Variants in PLCG1 observed in about 807,000 individuals in gnomAD.
The protein encoded by PLCG1 is 1-phosphatidylinositol 4,5-bisphosphate phosphodiesterase gamma-1.
A neutral mutation model predicts 177.8 loss-of-function variants in PLCG1; 71 were observed. The observed-to-expected ratio is 0.40, with a 90% CI of 0.33 to 0.49. The LOEUF is 0.49. Among genes scored for constraint, PLCG1 ranks in the 20% least tolerant of loss-of-function variants. The pLI is 0.72. For synonymous variants in PLCG1, 658 were observed against 647.9 expected, an observed-to-expected ratio of 1.02 and a Z score of -0.24; for missense variants, 1,281 against 1,709.0, an observed-to-expected ratio of 0.75 and a Z score of 4.42.
At chr20:41,155,468 T>G (rs2035291207) in intron 1 of PLCG1, among the ~76,000 whole-genome samples, 1 of 152,132 alleles carries the variant, frequency 6.6e-6, no homozygotes. Flanking sequence ...TGCACGTGCC[T>G]CAGACTATTG....
At chr20:41,170,458 A>G in intron 24 of PLCG1, 189 bp downstream of exon 24, 1 of 613,776 alleles carries the variant, frequency 1.6e-6, no homozygotes, top group Non-Finnish European at 2.8e-6. Context: ...TGGTGTGTTT[A>G]GGTTGTGTTG....
chr20:41,168,988 T>C, intron 21 of PLCG1, 91 bp from the exon 22 acceptor site: 5 of 1,208,690 alleles, frequency 4.1e-6, no homozygotes, highest in Non-Finnish European at 4.9e-6. Context: ...TGCCTCACCC[T>C]GGCTTAGGCA....
Position 41,174,327 on chromosome 20 carries a change from G to C in PLCG1, c.3833+16G>C. 1 of 1,610,724 alleles carries C rather than the reference G, an allele frequency of 6.2e-7. No homozygotes were observed. The highest frequency in any genetic ancestry group is 8.5e-7 in the Non-Finnish European group (1 of 1,177,056). On this transcript the variant is annotated intron_variant, in intron 31 of 31. Coordinates refer to ENST00000685551, the MANE Select transcript of PLCG1 (RefSeq NM_002660.3). The surrounding 1 kb of genome is among the most constrained non-coding windows in gnomAD (Gnocchi z 5.8). ...GAGAACGAAGGTGAGGAAGATGGAG[G>C]GGTGCTAGAGCCAGGAAGGCAGTGG...
At position 41,176,923 on chromosome 20, in the gene PLCG1, T is replaced by C. The variant is rs1422218825; in HGVS notation, c.*2414T>C. 1 of 152,282 alleles carries C rather than the reference T, an allele frequency of 6.6e-6. No homozygotes were observed. The highest frequency in any genetic ancestry group is 1.5e-5 in the Non-Finnish European group (1 of 68,068). The allele number at this position is 152,282 out of a possible 1,614,324, so 9.4% of individuals were successfully genotyped here. A position where few individuals can be genotyped will look rare whatever the true frequency, so the allele number is the denominator to read the frequency against. On this transcript the variant is annotated 3_prime_UTR_variant, in exon 32 of 32. Coordinates refer to ENST00000685551, the MANE Select transcript of PLCG1 (RefSeq NM_002660.3). ...CCTACAGTGCGACAGCTCAGGGTTA[T>C]GACCTGTGGAGTCTCAACCCTAACA...
Position 41,150,861 on chromosome 20 carries a change from C to T in PLCG1, c.218-8745C>T, listed in dbSNP as rs1262041665. Among the ~76,000 whole-genome samples the T allele has an allele frequency of 1.3e-5, 2 of 152,220 alleles. No individual in the cohort carries two copies. Among genetic ancestry groups the T allele is most frequent in the African/African-American group, 4.8e-5 (2 of 41,468 alleles). On this transcript the variant is annotated intron_variant, in intron 1 of 31. Coordinates refer to ENST00000685551, the MANE Select transcript of PLCG1 (RefSeq NM_002660.3). This position sits in a 1 kb window ranked among gnomAD's most constrained non-coding sequence, Gnocchi z 4.0. The stretch of plus-strand genomic sequence containing the variant: ...ACAGACACCTCCCTGTTGTTCTACT[C>T]GTTGCATGACCTCATAGTTATCTGC...
chr20:41,171,202 G>A (rs914420790), intron 24 of PLCG1, among the ~76,000 whole-genome samples: 1 of 152,192 alleles, frequency 6.6e-6, no homozygotes, highest in Non-Finnish European at 1.5e-5. Flanking sequence ...TGCTTGCCAG[G>A]CTGTCCCCTA....
rs1440964247 is a variant in PLCG1 at position 41,172,088 on chromosome 20, G to A, written c.2809-105G>A. ...GAAGGTACAGGGGAAGGTGGGAGAG[G>A]GGCCCAGAGCACCTGCAGTGTGGGC... On this transcript the variant is annotated intron_variant, in intron 24 of 31. Coordinates refer to ENST00000685551, the MANE Select transcript of PLCG1 (RefSeq NM_002660.3). This position sits in a 1 kb window ranked among gnomAD's most constrained non-coding sequence, Gnocchi z 7.0. The A allele has an allele frequency of 2.4e-6, 2 of 822,212 alleles. No homozygotes were observed. The highest frequency in any genetic ancestry group is 3.3e-5 in the African/African-American group (2 of 59,766). The allele number at this position is 822,212 out of a possible 1,614,324, so 50.9% of individuals were successfully genotyped here. A position where few individuals can be genotyped will look rare whatever the true frequency, so the allele number is the denominator to read the frequency against.
At position 41,160,699 on chromosome 20, in the gene PLCG1, A is replaced by T. The variant is rs1281294605; in HGVS notation, c.512+546A>T. 1.3e-5 allele frequency among the ~76,000 whole-genome samples: 2 copies of T among 152,178 alleles called. No individual in the cohort carries two copies. The highest frequency in any genetic ancestry group is 3.8e-4 in the East Asian group (2 of 5,202). ...GAGCTGTTTCCACACTCCAGGTGAA[A>T]AATGAGAGGGCTTGGATCATGATGG... On this transcript the variant is annotated intron_variant, in intron 4 of 31. Coordinates refer to ENST00000685551, the MANE Select transcript of PLCG1 (RefSeq NM_002660.3). This position sits in a 1 kb window ranked among gnomAD's most constrained non-coding sequence, Gnocchi z 5.5.
Position 41,173,460 on chromosome 20 carries a change from T to C in PLCG1, c.3320T>C (p.Ile1107Thr), listed in dbSNP as rs1324796038. 6.2e-7 allele frequency: 1 copy of C among 1,612,952 alleles called. No homozygotes were observed. Reference protein sequence around the residue: ...ARHLPKNGRGIVCPFVEIEVA... With the variant: ...ARHLPKNGRGTVCPFVEIEVA... ...CATCTGCCAAAGAATGGCCGAGGCA[T>C]TGTGTGTCCTTTTGTGGAGATTGAG... Residue 1107 changes from isoleucine to threonine, a missense_variant, in exon 28 of 32, where the codon ATT becomes ACT. This residue lies in a region of PLCG1 where 723 missense variants were observed against 1,030.0 expected (regional missense o/e 0.70). Transcript: ENST00000685551. The surrounding 1 kb of genome is among the most constrained non-coding windows in gnomAD (Gnocchi z 6.2).
intron 1 of PLCG1, among the ~76,000 whole-genome samples, chr20:41,139,887 A>G (rs1378707504): frequency 6.6e-6 from 1 of 152,088 alleles, no homozygotes; most frequent in Non-Finnish European, 1.5e-5. Context: ...GCCCCAACCC[A>G]TGTGCCCACT....
In PLCG1 at chr20:41,167,926, C is replaced by T. The variant is rs769562932; in HGVS notation, c.2376C>T (p.Phe792=). The T allele has an allele frequency of 6.2e-7, 1 of 1,610,744 alleles. No homozygotes were observed. Among genetic ancestry groups the T allele is most frequent in the East Asian group, 2.2e-5 (1 of 44,850 alleles). ...TAGAGGCAAACCCTATGCCAACTTTCAAGGTACAGCTCAGGCCTCTGGGCA... is the reference window on the plus strand; with the variant it reads ...TAGAGGCAAACCCTATGCCAACTTTTAAGGTACAGCTCAGGCCTCTGGGCA... ...FYVEANPMPT[F]KCAVKALFDY... The change falls in exon 20 of 32, where the codon TTC becomes TTT. Residue 792 remains phenylalanine, a synonymous_variant. Transcript: ENST00000685551. The surrounding 1 kb of genome is among the most constrained non-coding windows in gnomAD (Gnocchi z 4.4).
chr20:41,162,255 TGCTCAGATG>T, intron 4 of PLCG1, 188 bp from the exon 5 acceptor site: 1 of 264,988 alleles, frequency 3.8e-6, no homozygotes. Context: ...TTTTTTTTTT[TGCTCAGATG>T]AGGAACTGAG....
intron 4 of PLCG1, among the ~76,000 whole-genome samples, chr20:41,162,006 C>T (rs912195348): frequency 6.6e-6 from 1 of 152,038 alleles, no homozygotes; most frequent in African/African-American, 2.4e-5. Flanking sequence ...TCCCAGTGGG[C>T]AGCAGGTAGG....
Position 41,148,126 on chromosome 20 carries a change from C to T in PLCG1, c.217+10268C>T, listed in dbSNP as rs987331489. Among the ~76,000 whole-genome samples the T allele has an allele frequency of 5.3e-5, 8 of 152,162 alleles. No individual in the cohort carries two copies. Among genetic ancestry groups the T allele is most frequent in the East Asian group, 3.8e-4 (2 of 5,200 alleles). ...CTCAGCAAGCAGGCCTCTGACCTGA[C>T]GACTTCCGGTCATTATTTAGAACGT... On this transcript the variant is annotated intron_variant, in intron 1 of 31. Transcript: ENST00000685551. This position sits in a 1 kb window ranked among gnomAD's most constrained non-coding sequence, Gnocchi z 4.3.
rs747393171 is a variant in PLCG1 at position 41,164,996 on chromosome 20, A to G, written c.1281A>G (p.Gln427=). The G allele has an allele frequency of 9.3e-6, 15 of 1,614,098 alleles. No homozygotes were observed. Among genetic ancestry groups the G allele is most frequent in the Middle Eastern group, 1.6e-4 (1 of 6,084 alleles). Residue 427 remains glutamine (Q), a synonymous_variant, in exon 13 of 32, where the codon CAA becomes CAG. Coordinates refer to ENST00000685551, the MANE Select transcript of PLCG1 (RefSeq NM_002660.3). The surrounding 1 kb of genome is among the most constrained non-coding windows in gnomAD (Gnocchi z 6.4). ...CSIAQQRNMA[Q]YFKKVLGDTL... The stretch of plus-strand genomic sequence containing the variant: ...TTGCCCAGCAGAGAAACATGGCCCA[A>G]TACTTCAAGAAGGTGCTGGGGGACA...
In PLCG1 at chr20:41,166,455, C is replaced by A; in HGVS notation, c.2001-21C>A. The A allele has an allele frequency of 6.2e-7, 1 of 1,613,932 alleles. No homozygotes were observed. The highest frequency in any genetic ancestry group is 8.5e-7 in the Non-Finnish European group (1 of 1,180,000). On this transcript the variant is annotated intron_variant, in intron 17 of 31. Coordinates refer to ENST00000685551, the MANE Select transcript of PLCG1 (RefSeq NM_002660.3). This position sits in a 1 kb window ranked among gnomAD's most constrained non-coding sequence, Gnocchi z 8.6. ...AGGGCCATGGGTGGTGCTGGCCGGG[C>A]CTGACTCTGCCTGTTCTCAGGTGGT...
rs2035462589 is a variant in PLCG1, at chr20:41,160,541, G to A, written c.512+388G>A. Among the ~76,000 whole-genome samples the A allele has an allele frequency of 6.6e-6, 1 of 152,210 alleles. No individual in the cohort carries two copies. Among genetic ancestry groups the A allele is most frequent in the Non-Finnish European group, 1.5e-5 (1 of 68,042 alleles). ...GGGGAGCAAAGACCAGATAGTGTGG[G>A]TGCTGCACCATGGTGAGGTCCTTTG... On this transcript the variant is annotated intron_variant, in intron 4 of 31. Transcript: ENST00000685551. The surrounding 1 kb of genome is among the most constrained non-coding windows in gnomAD (Gnocchi z 5.5).
rs573379041 is a variant in PLCG1, at chr20:41,157,588, G to A, written c.218-2018G>A. ...CTGGAGGGGCCCTGCCTGGCCTTAG[G>A]TATGTGAGCATGTATGTACGTGTTT... On this transcript the variant is annotated intron_variant, in intron 1 of 31. Coordinates refer to ENST00000685551, the MANE Select transcript of PLCG1 (RefSeq NM_002660.3). This position sits in a 1 kb window ranked among gnomAD's most constrained non-coding sequence, Gnocchi z 5.4. 5.3e-5 allele frequency among the ~76,000 whole-genome samples: 8 copies of A among 152,294 alleles called. No individual in the cohort carries two copies. Among genetic ancestry groups the A allele is most frequent in the Admixed American group, 4.6e-4 (7 of 15,302 alleles).
chr20:41,163,071 G>A lies in PLCG1; in HGVS notation c.716+79G>A. The A allele has an allele frequency of 1.3e-6, 2 of 1,522,972 alleles. No individual in the cohort carries two copies. The highest frequency in any genetic ancestry group is 1.7e-5 in the Admixed American group (1 of 59,830). The allele number at this position is 1,522,972 out of a possible 1,614,324, so 94.3% of individuals were successfully genotyped here. A position where few individuals can be genotyped will look rare whatever the true frequency, so the allele number is the denominator to read the frequency against. ...ACTGGGCGATTCTTGATCCAGGTGGGAGGCAGTGGGAGTAGGGAACCATGC... is the reference window on the plus strand; with the variant it reads ...ACTGGGCGATTCTTGATCCAGGTGGAAGGCAGTGGGAGTAGGGAACCATGC... On this transcript the variant is annotated intron_variant, in intron 7 of 31. Coordinates refer to ENST00000685551, the MANE Select transcript of PLCG1 (RefSeq NM_002660.3). The surrounding 1 kb of genome is among the most constrained non-coding windows in gnomAD (Gnocchi z 5.2).
Sources: gnomAD v4.1 joint callset for allele counts (sites outside exome capture counted in the v4.1 genomes callset) on GRCh38, gnomAD v4.1.1 for gene constraint, gnomAD v4.1.1 regional missense constraint, Gnocchi (gnomAD v3.1) non-coding constraint, MANE v1.5 for transcripts, NCBI Gene and HGNC (gene_info 2026-07-23, HGNC 2026-07-21) for gene names.